Variants in FBRSL1 observed in about 807,000 individuals in gnomAD.
The protein encoded by FBRSL1 is fibrosin like 1, also known as fibrosin-1-like protein.
Under a neutral mutation model 89.6 loss-of-function variants are expected in FBRSL1, and 51 were observed. The ratio of observed to expected loss-of-function variants is 0.57; its 90% confidence interval spans 0.45 to 0.72. The LOEUF is 0.72. FBRSL1 is among the 30% of genes least tolerant of loss of function. The pLI is 0.00. For missense variants in FBRSL1, 1,618 were observed against 1,451.8 expected (o/e 1.11, Z -1.86); for synonymous variants, 779 against 681.1 (o/e 1.14, Z -2.24).
At chr12:132,502,706 C>T (rs909912589) in intron 1 of FBRSL1, among the ~76,000 whole-genome samples, 3 of 150,774 alleles carry the variant, frequency 2.0e-5, no homozygotes, top group African/African-American at 7.3e-5. Context: ...TCCCCCACCT[C>T]CCTGCTTCAG....
intron 4 of FBRSL1, 101 bp from the exon 5 acceptor site, chr12:132,547,902 G>C (rs943316466): frequency 1.4e-4 from 181 of 1,319,016 alleles, no homozygotes; most frequent in Non-Finnish European, 1.8e-4. Context: ...AGCAGCCAGG[G>C]CCGCCCCACC....
chr12:132,571,929 T>A, intron 9 of FBRSL1: 1 of 370,632 alleles, frequency 2.7e-6, no homozygotes, highest in Admixed American at 4.5e-5. Flanking sequence ...CCCTCCACTC[T>A]CTCGAGTTTT....
In FBRSL1 at chr12:132,574,008, C is replaced by T. The variant is rs112549104; in HGVS notation, c.1531-82C>T. ...CGGCAAGGCAAAGCAGGGCACAGGC[C>T]CACGCCAGAACCAGGAAGCCCGAGG... On this transcript the variant is annotated intron_variant, in intron 11 of 18. Transcript: ENST00000680143. 7.1e-6 allele frequency: 7 copies of T among 989,712 alleles called. 1 individual carries two copies. The highest frequency in any genetic ancestry group is 3.1e-5 in the South Asian group (1 of 32,250). 61.3% of individuals were successfully genotyped at this position (989,712 alleles called of 1,614,324 possible).
chr12:132,577,655 C>A (rs1308835413), intron 15 of FBRSL1, among the ~76,000 whole-genome samples: 1 of 152,172 alleles, frequency 6.6e-6, no homozygotes, highest in African/African-American at 2.4e-5. Context: ...CACCCCTCCC[C>A]CAGCAACACA....
At chr12:132,542,883 T>C (rs986769450) in intron 4 of FBRSL1, among the ~76,000 whole-genome samples, 1 of 152,300 alleles carries the variant, frequency 6.6e-6, no homozygotes, top group Non-Finnish European at 1.5e-5. Flanking sequence ...AGGGGAGGCA[T>C]GTGTTCTTTG....
chr12:132,492,211 C>T (rs368624874), intron 1 of FBRSL1, among the ~76,000 whole-genome samples: 4 of 152,208 alleles, frequency 2.6e-5, no homozygotes, highest in South Asian at 2.1e-4. Context: ...GGTCCCTAAC[C>T]GCGGCTTCCT....
At chr12:132,511,167 G>A in intron 2 of FBRSL1, 1 of 985,532 alleles carries the variant, frequency 1.0e-6, no homozygotes, top group Non-Finnish European at 1.2e-6. Flanking sequence ...GTCAGGACCT[G>A]CAGGGGACCC....
intron 2 of FBRSL1, among the ~76,000 whole-genome samples, chr12:132,524,541 C>T (rs2035626089): frequency 6.6e-6 from 1 of 152,246 alleles, no homozygotes; most frequent in East Asian, 1.9e-4. Flanking sequence ...CTGCAGCGAG[C>T]CACACCAGCC....
At position 132,546,064 on chromosome 12, in the gene FBRSL1, G is replaced by A. The variant is rs1361917177; in HGVS notation, c.616-1939G>A. 1.3e-5 allele frequency among the ~76,000 whole-genome samples: 2 copies of A among 152,184 alleles called. No individual in the cohort carries two copies. The highest frequency in any genetic ancestry group is 4.8e-5 in the African/African-American group (2 of 41,446). ...CTCGGCTCCTGCTTTGCCCTCTTCC[G>A]GTCCCCTCAGCCCTGGCGTGTTCTG... On this transcript the variant is annotated intron_variant, in intron 4 of 18. Coordinates refer to ENST00000680143, the MANE Select transcript of FBRSL1 (RefSeq NM_001367871.1). This position sits in a 1 kb window ranked among gnomAD's most constrained non-coding sequence, Gnocchi z 4.0.
intron 2 of FBRSL1, among the ~76,000 whole-genome samples, chr12:132,515,039 T>TG (rs781399601): frequency 6.6e-6 from 1 of 152,068 alleles, no homozygotes; most frequent in Non-Finnish European, 1.5e-5. Flanking sequence ...CAGGGAGGTG[T>TG]GGGGGGTCCA....
rs1340038361 is a variant in FBRSL1 at position 132,583,417 on chromosome 12, G to A, written c.2648G>A (p.Arg883His). 4.7e-6 allele frequency: 5 copies of A among 1,070,082 alleles called. No homozygotes were observed. Among genetic ancestry groups the A allele is most frequent in the South Asian group, 6.1e-5 (2 of 33,002 alleles). 66.3% of individuals were successfully genotyped at this position (1,070,082 alleles called of 1,614,324 possible). A position where few individuals can be genotyped will look rare whatever the true frequency, so the allele number is the denominator to read the frequency against. The change falls in exon 19 of 19, where the codon CGC becomes CAC. Residue 883 changes from arginine (R) to histidine (H), a missense_variant. By Grantham distance (29) the Arg-to-His change is conservative. Transcript: ENST00000680143. ...GCCGCCCTCTTGGAGCCCCCGGAGC[G>A]CCCCTACCGCGACCGCGAGCCCCAC... ...GSAALLEPPE[R>H]PYRDREPHGY...
intron 2 of FBRSL1, among the ~76,000 whole-genome samples, chr12:132,524,847 A>T (rs1475366887): frequency 6.6e-6 from 1 of 152,214 alleles, no homozygotes; most frequent in Non-Finnish European, 1.5e-5. Flanking sequence ...ATTTCCAAGT[A>T]AAAAAAGTAA....
rs2040960454 is a variant in FBRSL1 at position 132,583,734 on chromosome 12, G to T, written c.2965G>T (p.Asp989Tyr). ...LGGLGPGEAR[D>Y]YSPSRNPPEV... ...GGGCCTCGGGCCGGGCGAGGCGCGC[G>T]ACTACTCCCCGTCCCGAAATCCCCC... Residue 989 changes from aspartate to tyrosine, a missense_variant, in exon 19 of 19, where the codon GAC becomes TAC. By Grantham distance (160) the Asp-to-Tyr change is radical. Coordinates refer to ENST00000680143, the MANE Select transcript of FBRSL1 (RefSeq NM_001367871.1). 1 of 1,216,122 alleles carries T rather than the reference G, an allele frequency of 8.2e-7. No homozygotes were observed. The highest frequency in any genetic ancestry group is 4.1e-5 in the South Asian group (1 of 24,178). 75.3% of individuals were successfully genotyped at this position (1,216,122 alleles called of 1,614,324 possible).
At chr12:132,541,107 C>G (rs2037225108) in intron 4 of FBRSL1, among the ~76,000 whole-genome samples, 1 of 151,594 alleles carries the variant, frequency 6.6e-6, no homozygotes, top group Non-Finnish European at 1.5e-5. Flanking sequence ...GGCACAGCCT[C>G]CCACCACATC....
At chr12:132,576,416 C>T (rs2040386466) in intron 14 of FBRSL1, among the ~76,000 whole-genome samples, 2 of 152,154 alleles carry the variant, frequency 1.3e-5, no homozygotes, top group South Asian at 4.1e-4. Flanking sequence ...TGGTCTCGAA[C>T]TCCTGACCTC....
rs1185029594 is a variant in FBRSL1 at position 132,508,292 on chromosome 12, A to G, written c.431A>G (p.Gln144Arg). The G allele has an allele frequency of 6.5e-7, 1 of 1,549,570 alleles. No individual in the cohort carries two copies. Among genetic ancestry groups the G allele is most frequent in the African/African-American group, 1.4e-5 (1 of 73,032 alleles). ...RRPLEAGSPG[Q>R]DLEPACDGAR... Reference sequence around the variant, plus strand: ...CCCCTGGAGGCAGGCAGCCCCGGGCAGGACCTCGAACCCGCCTGCGATGGG... The same window carrying G: ...CCCCTGGAGGCAGGCAGCCCCGGGCGGGACCTCGAACCCGCCTGCGATGGG... The change falls in exon 2 of 19, where the codon CAG (glutamine) becomes CGG (arginine). Residue 144 changes from glutamine to arginine, a missense_variant. Gln to Arg is a conservative substitution (Grantham distance 43). Coordinates refer to ENST00000680143, the MANE Select transcript of FBRSL1 (RefSeq NM_001367871.1).
chr12:132,568,109 G>GC (rs1261165856), intron 6 of FBRSL1, among the ~76,000 whole-genome samples: 3 of 152,194 alleles, frequency 2.0e-5, no homozygotes, highest in Non-Finnish European at 4.4e-5. Flanking sequence ...GTGTCCACGG[G>GC]CCAGCAACCC....
Position 132,571,178 on chromosome 12 carries a change from C to G in FBRSL1, c.1324C>G (p.Pro442Ala). 1.4e-6 allele frequency: 2 copies of G among 1,430,568 alleles called. No homozygotes were observed. The highest frequency in any genetic ancestry group is 1.8e-6 in the Non-Finnish European group (2 of 1,091,874). 88.6% of individuals were successfully genotyped at this position (1,430,568 alleles called of 1,614,324 possible). Reference protein sequence around the residue: ...QAPLLPAPLGPHVASGHPGLA... With the variant: ...QAPLLPAPLGAHVASGHPGLA... The stretch of plus-strand genomic sequence containing the variant: ...TCCTCTCTTACCTGCACCCCTGGGC[C>G]CGCACGTGGCGAGCGGCCACCCCGG... Residue 442 changes from proline (P) to alanine (A), a missense_variant, in exon 9 of 19, where the codon CCG becomes GCG. Transcript: ENST00000680143.
At chr12:132,550,078 G>T (rs376065844) in intron 5 of FBRSL1, among the ~76,000 whole-genome samples, 63 of 148,638 alleles carry the variant, frequency 4.2e-4, no homozygotes, top group East Asian at 2.0e-3. Flanking sequence ...GAGGGTCCCG[G>T]CAGGGAGAGT....
Sources: gnomAD v4.1 joint callset for allele counts (sites outside exome capture counted in the v4.1 genomes callset) on GRCh38, gnomAD v4.1.1 for gene constraint, Gnocchi (gnomAD v3.1) non-coding constraint, MANE v1.5 for transcripts, NCBI Gene and HGNC (gene_info 2026-07-23, HGNC 2026-07-21) for gene names.